Variants in SPIRE1 observed in about 807,000 individuals in gnomAD.
SPIRE1 encodes spire type actin nucleation factor 1.
A neutral mutation model predicts 94.1 loss-of-function variants in SPIRE1; 40 were observed. The observed-to-expected ratio is 0.43, with a 90% CI of 0.33 to 0.55. The LOEUF is 0.55. Ranked by LOEUF, SPIRE1 falls within the 20% of genes least tolerant of loss-of-function variation. The pLI is 0.06. For missense variants in SPIRE1, 838 were observed against 975.2 expected, an observed-to-expected ratio of 0.86 and a Z score of 1.87; for synonymous variants, 376 against 371.7, an observed-to-expected ratio of 1.01 and a Z score of -0.13.
intron 2 of SPIRE1, among the ~76,000 whole-genome samples, chr18:12,603,732 G>A (rs977160261): frequency 7.2e-5 from 11 of 151,922 alleles, no homozygotes; most frequent in African/African-American, 1.7e-4. Context: ...CCGACACCAC[G>A]CCTGGCTAAT....
intron 4 of SPIRE1, among the ~76,000 whole-genome samples, chr18:12,520,863 C>G (rs1325535124): frequency 6.6e-6 from 1 of 152,162 alleles, no homozygotes; most frequent in African/African-American, 2.4e-5. Flanking sequence ...GTGAATGAGA[C>G]AGACGTCTTG....
At chr18:12,618,167 T>A (rs1403456872) in intron 2 of SPIRE1, among the ~76,000 whole-genome samples, 1 of 152,086 alleles carries the variant, frequency 6.6e-6, no homozygotes, top group Non-Finnish European at 1.5e-5. Context: ...AGTGGTGCGA[T>A]CTCGGCTCCC....
chr18:12,495,977 T>G, intron 7 of SPIRE1, 39 bp downstream of exon 7: 15 of 1,454,590 alleles, frequency 1.0e-5, no homozygotes, highest in Non-Finnish European at 1.4e-5. Context: ...TAATTCATTA[T>G]GATATCTCCA....
chr18:12,657,979 A>G lies in SPIRE1; in HGVS notation c.-113T>C. On this transcript the variant is annotated 5_prime_UTR_variant, in exon 1 of 17. Coordinates refer to ENST00000409402, the MANE Select transcript of SPIRE1 (RefSeq NM_001128626.2). ...ACCATCCCCGGAACCGCCGCCGCCC[A>G]ACGCGGCCGCGCGCGCCGCCGCCGG... is the stretch of plus-strand genomic sequence containing the variant. 1.0e-6 allele frequency: 1 copy of G among 991,244 alleles called. No homozygotes were observed. The highest frequency in any genetic ancestry group is 1.2e-6 in the Non-Finnish European group (1 of 835,004). 61.4% of individuals were successfully genotyped at this position (991,244 alleles called of 1,614,324 possible).
At position 12,598,165 on chromosome 18, in the gene SPIRE1, A is replaced by C. The variant is rs1436959818; in HGVS notation, c.372+36897T>G. Among the ~76,000 whole-genome samples the C allele has an allele frequency of 3.3e-5, 5 of 152,366 alleles. No homozygotes were observed. The East Asian group carries it at 9.6e-4, about 29-fold the overall frequency. On this transcript the variant is annotated intron_variant, in intron 2 of 16. Coordinates refer to ENST00000409402, the MANE Select transcript of SPIRE1 (RefSeq NM_001128626.2). ...ATTTGACATAATTACGTCTTCCTAA[A>C]CATACACATTTTTAAACTAAATTAG...
intron 2 of SPIRE1, among the ~76,000 whole-genome samples, chr18:12,575,962 G>A (rs1024691898): frequency 7.2e-5 from 11 of 152,200 alleles, no homozygotes; most frequent in African/African-American, 2.4e-4. Flanking sequence ...CCAGCACTTC[G>A]GGAGGCCCAG....
chr18:12,558,807 C>T (rs1188209267), intron 2 of SPIRE1, among the ~76,000 whole-genome samples: 6 of 151,676 alleles, frequency 4.0e-5, no homozygotes, highest in African/African-American at 9.7e-5. Flanking sequence ...CTTCTAGCTA[C>T]ACATAAAAGT....
At chr18:12,650,876 CAAAA>C (rs34966832) in intron 1 of SPIRE1, among the ~76,000 whole-genome samples, 3 of 74,200 alleles carry the variant, frequency 4.0e-5, no homozygotes, top group Non-Finnish European at 5.3e-5. Context: ...GACCCTGTCT[CAAAA>C]AAAAAAAAAA....
chr18:12,593,290 C>A (rs2036583418), intron 2 of SPIRE1, among the ~76,000 whole-genome samples: 1 of 152,094 alleles, frequency 6.6e-6, no homozygotes, highest in Admixed American at 6.5e-5. Context: ...CAATAAAGGG[C>A]AACATATTAA....
chr18:12,592,052 T>C (rs1354153846), intron 2 of SPIRE1, among the ~76,000 whole-genome samples: 1 of 151,746 alleles, frequency 6.6e-6, no homozygotes, highest in East Asian at 1.9e-4. Context: ...AGATATTCCA[T>C]TGATATCTAA....
rs138454017 is a variant in SPIRE1 at position 12,535,583 on chromosome 18, G to C, written c.622C>G (p.Pro208Ala). The change falls in exon 4 of 17, where the codon CCT becomes GCT. Residue 208 changes from proline to alanine, a missense_variant. Physicochemically the swap from Pro to Ala is conservative, Grantham distance 27. Transcript: ENST00000409402. ...DVMKLCAAHLPTESDAPNHYQ... is the reference protein window; with the variant it reads ...DVMKLCAAHLATESDAPNHYQ... The stretch of plus-strand genomic sequence containing the variant: ...TGATTTGGTGCATCTGATTCAGTAG[G>C]GAGATGAGCAGCACACAACTATAGA... The C allele has an allele frequency of 1.6e-5, 26 of 1,612,768 alleles. No individual in the cohort carries two copies. Among genetic ancestry groups the C allele is most frequent in the African/African-American group, 5.3e-5 (4 of 74,852 alleles).
intron 12 of SPIRE1, chr18:12,459,958 G>A (rs1466602602): frequency 1.0e-6 from 1 of 970,128 alleles, no homozygotes; most frequent in African/African-American, 1.8e-5. Context: ...AAAAGAAAAT[G>A]GCAGGGGGAA....
At chr18:12,476,588 TAC>T (rs1232520154) in intron 10 of SPIRE1, among the ~76,000 whole-genome samples, 48 of 104,434 alleles carry the variant, frequency 4.6e-4, no homozygotes, top group Non-Finnish European at 6.0e-4. Flanking sequence ...TATATATATA[TAC>T]ACACACACAC....
At chr18:12,637,653 T>G in intron 1 of SPIRE1, among the ~76,000 whole-genome samples, 1 of 152,128 alleles carries the variant, frequency 6.6e-6, no homozygotes, top group East Asian at 1.9e-4. Flanking sequence ...TTCAAAACAT[T>G]TCCTAGCTCT....
intron 2 of SPIRE1, among the ~76,000 whole-genome samples, chr18:12,620,823 T>C (rs954269529): frequency 6.6e-6 from 1 of 152,146 alleles, no homozygotes; most frequent in Admixed American, 6.5e-5. Context: ...TGAAATAAAC[T>C]TCATGCTTCA....
intron 1 of SPIRE1, among the ~76,000 whole-genome samples, chr18:12,648,291 C>T (rs753744183): frequency 1.3e-5 from 2 of 152,134 alleles, no homozygotes; most frequent in African/African-American, 2.4e-5. Flanking sequence ...AGAAACCTGA[C>T]AACACTGTCT....
intron 8 of SPIRE1, among the ~76,000 whole-genome samples, chr18:12,492,409 C>T (rs1259325348): frequency 6.6e-6 from 1 of 152,006 alleles, no homozygotes; most frequent in African/African-American, 2.4e-5. Context: ...TATAATATGG[C>T]CTTCCTATAA....
At chr18:12,515,913 C>A (rs57010148) in intron 4 of SPIRE1, among the ~76,000 whole-genome samples, 34,811 of 152,030 alleles carry the variant, frequency 0.23, 4,872 homozygotes, top group Non-Finnish European at 0.32. Flanking sequence ...ATCCTGCTTT[C>A]CTTATTCCTT....
chr18:12,546,684 T>C lies in SPIRE1; in HGVS notation c.593A>G (p.Asp198Gly). ...AAAACGCTGCCTTACCTTCATGACA[T>C]CTCTATATGACCGAATAGCTGAGAT... Reference protein sequence around the residue: ...RKISAIRSYRDVMKLCAAHLP... With the variant: ...RKISAIRSYRGVMKLCAAHLP... The change falls in exon 3 of 17, where the codon GAT (aspartate) becomes GGT (glycine). Residue 198 changes from aspartate to glycine, a missense_variant. Asp to Gly is a moderately conservative substitution (Grantham distance 94, BLOSUM62 -1). Coordinates refer to ENST00000409402, the MANE Select transcript of SPIRE1 (RefSeq NM_001128626.2). The C allele has an allele frequency of 3.1e-6, 5 of 1,612,486 alleles. No homozygotes were observed. The highest frequency in any genetic ancestry group is 3.4e-6 in the Non-Finnish European group (4 of 1,178,710).
Sources: gnomAD v4.1 joint callset for allele counts (sites outside exome capture counted in the v4.1 genomes callset) on GRCh38, gnomAD v4.1.1 for gene constraint, MANE v1.5 for transcripts, NCBI Gene and HGNC (gene_info 2026-07-23, HGNC 2026-07-21) for gene names.